The following RPS6KA4 variants were observed in gnomAD, a reference collection of about 807,000 sequenced individuals.
RPS6KA4 encodes ribosomal protein S6 kinase alpha-4.
In RPS6KA4, 38 loss-of-function variants were observed where a neutral mutation model predicts 89.6. That is an observed-to-expected ratio of 0.42 (90% CI 0.33 to 0.56). The LOEUF is 0.56. RPS6KA4 is among the 20% of genes least tolerant of loss of function. The pLI, the probability that RPS6KA4 is intolerant of heterozygous loss-of-function variation, is 0.07. For missense variants in RPS6KA4, 873 were observed against 1,098.8 expected (o/e 0.79, Z 2.90); for synonymous variants, 495 against 492.8 (o/e 1.00, Z -0.06).
chr11:64,362,033 G>A (rs2036768040), intron 8 of RPS6KA4, 31 bp downstream of exon 8: 2 of 1,587,190 alleles, frequency 1.3e-6, no homozygotes, highest in South Asian at 2.3e-5. Flanking sequence ...CATACCTCCT[G>A]GTGCATACCC....
At position 64,369,356 on chromosome 11, in the gene RPS6KA4, G is replaced by A; in HGVS notation, c.1429-90G>A. 3 of 1,369,830 alleles carry A rather than the reference G, an allele frequency of 2.2e-6. No homozygotes were observed. The East Asian group carries it at 7.8e-5, about 36-fold the overall frequency. The allele number at this position is 1,369,830 out of a possible 1,614,324, so 84.9% of individuals were successfully genotyped here. On this transcript the variant is annotated intron_variant, in intron 12 of 16. Coordinates refer to ENST00000334205, the MANE Select transcript of RPS6KA4 (RefSeq NM_003942.3). ...GGAGGGGGTTCTCGAACATTGGCAG[G>A]GCCCGAAGGCCGGGGGCGGGGCCTG...
rs1482180376 is a variant in RPS6KA4, at chr11:64,370,180, G to A, written c.1798-45G>A. The A allele has an allele frequency of 1.3e-6, 2 of 1,506,374 alleles. No homozygotes were observed. The highest frequency in any genetic ancestry group is 2.4e-5 in the Admixed American group (1 of 42,102). The allele number at this position is 1,506,374 out of a possible 1,614,324, so 93.3% of individuals were successfully genotyped here. ...CTGTGGGAGCGGAGGGGTCAGCCTCGGCACCCCAGCCTGGGCCGGCCTCAC... is the reference window on the plus strand; with the variant it reads ...CTGTGGGAGCGGAGGGGTCAGCCTCAGCACCCCAGCCTGGGCCGGCCTCAC... On this transcript the variant is annotated intron_variant, in intron 14 of 16. Transcript: ENST00000334205. The surrounding 1 kb of genome is among the most constrained non-coding windows in gnomAD (Gnocchi z 4.1).
chr11:64,370,113 C>T lies in RPS6KA4; in HGVS notation c.1798-112C>T, dbSNP rs907915131. 9.3e-6 allele frequency: 12 copies of T among 1,284,728 alleles called. 1 individual carries two copies. Among genetic ancestry groups the T allele is most frequent in the African/African-American group, 3.0e-5 (2 of 66,716 alleles). The allele number at this position is 1,284,728 out of a possible 1,614,324, so 79.6% of individuals were successfully genotyped here. A position where few individuals can be genotyped will look rare whatever the true frequency, so the allele number is the denominator to read the frequency against. On this transcript the variant is annotated intron_variant, in intron 14 of 16. Coordinates refer to ENST00000334205, the MANE Select transcript of RPS6KA4 (RefSeq NM_003942.3). The surrounding 1 kb of genome is among the most constrained non-coding windows in gnomAD (Gnocchi z 4.1). ...GGGTTAGAAGTCAGGGTTCACCACG[C>T]GTGGGTCTCAGGAGTGCCCCTAGTG...
At chr11:64,360,137 C>T (rs369155324) in intron 2 of RPS6KA4, 26 bp from the exon 3 acceptor site, 15 of 1,530,580 alleles carry the variant, frequency 9.8e-6, no homozygotes, top group Non-Finnish European at 1.2e-5. Context: ...CACAGCCCAC[C>T]CTCCACCCAC....
Position 64,368,454 on chromosome 11 carries a change from G to A in RPS6KA4, c.1201-14G>A. ...ACGCGCCGCCTTCGCCTTCGCCTTC[G>A]CCTTCGCCTCCAGGACTCGCCCTTC... is the stretch of plus-strand genomic sequence containing the variant. On this transcript the variant is annotated splice_polypyrimidine_tract_variant and intron_variant, in intron 10 of 16. Transcript: ENST00000334205. 8 of 1,547,668 alleles carry A rather than the reference G, an allele frequency of 5.2e-6. No homozygotes were observed. Among genetic ancestry groups the A allele is most frequent in the South Asian group, 3.6e-5 (3 of 83,984 alleles).
chr11:64,371,391 G>A lies in RPS6KA4; in HGVS notation c.2230G>A (p.Gly744Ser), dbSNP rs1264895487. 1.2e-6 allele frequency: 2 copies of A among 1,611,942 alleles called. No homozygotes were observed. Among genetic ancestry groups the A allele is most frequent in the Non-Finnish European group, 1.7e-6 (2 of 1,179,528 alleles). ...KLRSATASRR[G>S]SPAPANPGRA... is the part of the protein sequence containing the mutation. ...GCGGAGCGCCACCGCCTCCCGCCGG[G>A]GCTCCCCTGCACCAGCCAACCCGGG... The change falls in exon 17 of 17, where the codon GGC becomes AGC. Residue 744 changes from glycine to serine, a missense_variant. This residue lies in a region of RPS6KA4 where 278 missense variants were observed against 284.8 expected (regional missense o/e 0.98). Coordinates refer to ENST00000334205, the MANE Select transcript of RPS6KA4 (RefSeq NM_003942.3).
chr11:64,365,581 T>A, intron 9 of RPS6KA4, 116 bp downstream of exon 9: 2 of 1,176,464 alleles, frequency 1.7e-6, no homozygotes, highest in South Asian at 1.5e-5. Context: ...GGACTCAGCG[T>A]CTCCCCTAGA....
In RPS6KA4 at chr11:64,371,301, C is replaced by T. The variant is rs568464055; in HGVS notation, c.2140C>T (p.Arg714Trp). 7 of 1,612,776 alleles carry T rather than the reference C, an allele frequency of 4.3e-6. No individual in the cohort carries two copies. Among genetic ancestry groups the T allele is most frequent in the African/African-American group, 4.0e-5 (3 of 75,002 alleles). Residue 714 changes from arginine (R) to tryptophan (W), a missense_variant, in exon 17 of 17, where the codon CGG (arginine) becomes TGG (tryptophan). This residue lies in a region of RPS6KA4 where 278 missense variants were observed against 284.8 expected (regional missense o/e 0.98). Transcript: ENST00000334205. ...CTGCCAGGCATTCAACCGGGGCAAGCGGGAGGGCTTCTTCCTGAAGAGCGT... is the reference window on the plus strand; with the variant it reads ...CTGCCAGGCATTCAACCGGGGCAAGTGGGAGGGCTTCTTCCTGAAGAGCGT... Reference protein sequence around the residue: ...ATFMAFNRGKREGFFLKSVEN... With the variant: ...ATFMAFNRGKWEGFFLKSVEN...
Position 64,365,350 on chromosome 11 carries a change from G to A in RPS6KA4, c.956G>A (p.Arg319Gln). 6.2e-6 allele frequency: 10 copies of A among 1,613,990 alleles called. No homozygotes were observed. Among genetic ancestry groups the A allele is most frequent in the East Asian group, 2.2e-5 (1 of 44,872 alleles). ...LAARKIPAPF[R>Q]PQIRSELDVG... ...GCCAGGAAGATTCCAGCCCCATTCC[G>A]GCCCCAAATCCGCTCAGAGCTGGAT... is the stretch of plus-strand genomic sequence containing the variant. Residue 319 changes from arginine to glutamine, a missense_variant, in exon 9 of 17, where the codon CGG becomes CAG. Arg to Gln is a conservative substitution (Grantham distance 43). Around this residue, in one of 4 missense-constraint regions of RPS6KA4, gnomAD observed 542 missense variants for 736.4 expected, o/e 0.74. Transcript: ENST00000334205.
rs768112999 is a variant in RPS6KA4 at position 64,368,684 on chromosome 11, C to T, written c.1335-20C>T. On this transcript the variant is annotated intron_variant, in intron 11 of 16. Coordinates refer to ENST00000334205, the MANE Select transcript of RPS6KA4 (RefSeq NM_003942.3). ...GGGCCGAAGCGCGGCGACCGTAACT[C>T]CTTCTGCTCCGTCCCCCAGGCTGGA... 1 of 1,575,006 alleles carries T rather than the reference C, an allele frequency of 6.3e-7. No homozygotes were observed. The highest frequency in any genetic ancestry group is 8.6e-7 in the Non-Finnish European group (1 of 1,161,052).
chr11:64,359,513 A>C, intron 2 of RPS6KA4, 64 bp downstream of exon 2: 2 of 1,559,304 alleles, frequency 1.3e-6, no homozygotes, highest in East Asian at 2.3e-5. Flanking sequence ...CTGCCTGCTC[A>C]CTCTTGGGCC....
chr11:64,366,751 TGGCCCAGG>T (rs2135338559), intron 9 of RPS6KA4, among the ~76,000 whole-genome samples: 1 of 152,360 alleles, frequency 6.6e-6, no homozygotes, highest in African/African-American at 2.4e-5. Flanking sequence ...TCTGCTCACC[TGGCCCAGG>T]GGGTCACCCT....
At chr11:64,367,316 A>AT (rs34452864) in intron 9 of RPS6KA4, among the ~76,000 whole-genome samples, 8 of 151,232 alleles carry the variant, frequency 5.3e-5, no homozygotes, top group African/African-American at 1.9e-4. Context: ...CAGATAATTA[A>AT]TTTTTTTTTT....
intron 2 of RPS6KA4, 27 bp downstream of exon 2, chr11:64,359,476 C>T: frequency 6.2e-7 from 1 of 1,610,768 alleles, no homozygotes; most frequent in Admixed American, 1.7e-5. Context: ...ACCGGGCAGG[C>T]GTCCCAGGCG....
In RPS6KA4 at chr11:64,370,770, C is replaced by A; in HGVS notation, c.2121+44C>A. ...TGAAGGGAAGGGGTGGGCGAAGCCT[C>A]GAGAGGTGGGGTCTGGGGAGGCCCG... On this transcript the variant is annotated intron_variant, in intron 16 of 16. Transcript: ENST00000334205. The surrounding 1 kb of genome is among the most constrained non-coding windows in gnomAD (Gnocchi z 4.1). 1 of 1,476,062 alleles carries A rather than the reference C, an allele frequency of 6.8e-7. No individual in the cohort carries two copies. Among genetic ancestry groups the A allele is most frequent in the Non-Finnish European group, 9.0e-7 (1 of 1,112,604 alleles). The allele number at this position is 1,476,062 out of a possible 1,614,324, so 91.4% of individuals were successfully genotyped here.
chr11:64,370,088 G>C lies in RPS6KA4; in HGVS notation c.1798-137G>C, dbSNP rs914797527. 2 of 1,127,352 alleles carry C rather than the reference G, an allele frequency of 1.8e-6. No individual in the cohort carries two copies. The highest frequency in any genetic ancestry group is 3.2e-5 in the African/African-American group (2 of 63,402). 69.8% of individuals were successfully genotyped at this position (1,127,352 alleles called of 1,614,324 possible). ...TAGAGTCGGAGCATCCGGGTATTGG[G>C]GGTTAGAAGTCAGGGTTCACCACGC... On this transcript the variant is annotated intron_variant, in intron 14 of 16. Transcript: ENST00000334205. The surrounding 1 kb of genome is among the most constrained non-coding windows in gnomAD (Gnocchi z 4.1).
chr11:64,364,997 G>A (rs1842692827), intron 8 of RPS6KA4, among the ~76,000 whole-genome samples: 1 of 150,798 alleles, frequency 6.6e-6, no homozygotes, highest in South Asian at 2.1e-4. Flanking sequence ...AGGTGATCCA[G>A]CTGCCTTGGC....
intron 8 of RPS6KA4, 124 bp from the exon 9 acceptor site, chr11:64,365,177 T>C: frequency 8.9e-7 from 1 of 1,122,548 alleles, no homozygotes; most frequent in Non-Finnish European, 1.3e-6. Flanking sequence ...GAGGAACAGC[T>C]GCCCACCCCA....
At chr11:64,359,574 T>C in intron 2 of RPS6KA4, 125 bp downstream of exon 2, 3 of 1,021,526 alleles carry the variant, frequency 2.9e-6, no homozygotes, top group Non-Finnish European at 4.3e-6. Flanking sequence ...ACAGCCTGCC[T>C]TGCCTGCCCC....
Sources: allele counts gnomAD v4.1 joint callset (sites outside exome capture counted in the v4.1 genomes callset), GRCh38; gene constraint gnomAD v4.1.1; regional missense constraint gnomAD v4.1.1; non-coding constraint Gnocchi (gnomAD v3.1); transcripts MANE v1.5; gene names NCBI Gene and HGNC (gene_info 2026-07-23, HGNC 2026-07-21).